The following PTPRT variants were observed in gnomAD, a reference collection of about 807,000 sequenced individuals.
The protein encoded by PTPRT is protein tyrosine phosphatase receptor type T.
PTPRT carries 56 observed loss-of-function variants against 176.8 expected under a neutral mutation model. That is an observed-to-expected ratio of 0.32 (90% confidence interval 0.26 to 0.40). The LOEUF is 0.40. Among genes scored for constraint, PTPRT ranks in the 10% least tolerant of loss-of-function variants. PTPRT has a pLI of 1.00. For missense variants in PTPRT, 1,540 were observed against 1,908.2 expected, an observed-to-expected ratio of 0.81 and a Z score of 3.60; for synonymous variants, 783 against 739.0, an observed-to-expected ratio of 1.06 and a Z score of -0.96.
At chr20:42,599,491 A>G (rs1280389693) in intron 7 of PTPRT, among the ~76,000 whole-genome samples, 2 of 152,074 alleles carry the variant, frequency 1.3e-5, no homozygotes, top group East Asian at 3.9e-4. Flanking sequence ...AAGCCCAGAG[A>G]GATGGGGTGC....
chr20:42,446,706 G>A (rs142379480), intron 9 of PTPRT, among the ~76,000 whole-genome samples: 1 of 150,522 alleles, frequency 6.6e-6, no homozygotes, highest in Non-Finnish European at 1.5e-5. Flanking sequence ...TTAAATTTTC[G>A]AACCTCTCTT....
At chr20:42,505,836 A>T (rs951423172) in intron 7 of PTPRT, among the ~76,000 whole-genome samples, 4 of 152,154 alleles carry the variant, frequency 2.6e-5, no homozygotes, top group Non-Finnish European at 5.9e-5. Flanking sequence ...AAGAGAAAAG[A>T]AGCAAGACTA....
intron 9 of PTPRT, among the ~76,000 whole-genome samples, chr20:42,445,509 G>A (rs535581473): frequency 2.0e-5 from 3 of 152,248 alleles, no homozygotes; most frequent in South Asian, 2.1e-4. Flanking sequence ...GGCCTCACTA[G>A]CTTTTGATAC....
intron 14 of PTPRT, among the ~76,000 whole-genome samples, chr20:42,237,857 A>C (rs1191442739): frequency 6.6e-6 from 1 of 152,254 alleles, no homozygotes; most frequent in Non-Finnish European, 1.5e-5. Context: ...CCAAATATCC[A>C]TCTGAGTAGA....
At chr20:42,179,721 C>T (rs1349909733) in intron 16 of PTPRT, among the ~76,000 whole-genome samples, 2 of 152,126 alleles carry the variant, frequency 1.3e-5, no homozygotes, top group Non-Finnish European at 2.9e-5. Context: ...GTGACTGTGC[C>T]AGCTAACATC....
rs184759281 is a variant in PTPRT at position 42,724,898 on chromosome 20, C to T, written c.859+31564G>A. 7.8e-3 allele frequency among the ~76,000 whole-genome samples: 1,186 copies of T among 151,544 alleles called. 4 individuals carry two copies. Among genetic ancestry groups the T allele is most frequent in the Non-Finnish European group, 0.012 (782 of 67,646 alleles). On this transcript the variant is annotated intron_variant, in intron 6 of 30. Transcript: ENST00000373187. ...GTGATTACAGTGGGCCCAGATAAAT[C>T]AGTATAATTTGCCCACCTCAAAATC... is the stretch of plus-strand genomic sequence containing the variant.
chr20:42,058,293 A>G, the PTPRT span, among the ~76,000 whole-genome samples: 1 of 152,214 alleles, frequency 6.6e-6, no homozygotes, highest in Non-Finnish European at 1.5e-5. Context: ...AGGTTCTCTT[A>G]GTTCAAGATG....
rs566876419 is a variant in PTPRT at position 42,321,998 on chromosome 20, G to A, written c.1866-6002C>T. Among the ~76,000 whole-genome samples the A allele has an allele frequency of 2.2e-4, 34 of 152,256 alleles. 2 individuals carry two copies. In the South Asian group the frequency reaches 5.2e-3, roughly 23 times the overall value. On this transcript the variant is annotated intron_variant, in intron 11 of 30. Transcript: ENST00000373187. ...GGAGGCAGGAGAATGCCGTGAACCCGGAAGGCAGAGCTGCAGTTAGCCGAG... is the reference window on the plus strand; with the variant it reads ...GGAGGCAGGAGAATGCCGTGAACCCAGAAGGCAGAGCTGCAGTTAGCCGAG...
intron 5 of PTPRT, among the ~76,000 whole-genome samples, chr20:42,763,384 C>T (rs973652171): frequency 1.3e-5 from 2 of 152,106 alleles, no homozygotes; most frequent in Non-Finnish European, 2.9e-5. Context: ...GATACTATGC[C>T]TGGTTTACAG....
intron 6 of PTPRT, among the ~76,000 whole-genome samples, chr20:42,688,770 C>A (rs1040463679): frequency 2.6e-5 from 4 of 152,190 alleles, no homozygotes; most frequent in African/African-American, 9.7e-5. Context: ...CTGTTCTCAG[C>A]ACCCTGGTCA....
At chr20:42,102,100 G>A (rs180911050) in intron 26 of PTPRT, 24 bp downstream of exon 26, 1 of 1,600,854 alleles carries the variant, frequency 6.2e-7, no homozygotes, top group African/African-American at 1.3e-5. Flanking sequence ...CCAGCTAGGA[G>A]CTTTCTGCCC....
intron 13 of PTPRT, among the ~76,000 whole-genome samples, chr20:42,251,262 C>A (rs182376896): frequency 6.6e-6 from 1 of 152,240 alleles, no homozygotes; most frequent in African/African-American, 2.4e-5. Flanking sequence ...AGTGCAATGG[C>A]AAAGAGCCCC....
intron 2 of PTPRT, among the ~76,000 whole-genome samples, chr20:42,845,793 G>C (rs747321466): frequency 6.6e-6 from 1 of 152,206 alleles, no homozygotes; most frequent in Non-Finnish European, 1.5e-5. Flanking sequence ...CAGGAAATCA[G>C]AGATAGCACA....
chr20:43,046,601 C>T (rs11906953), intron 1 of PTPRT, among the ~76,000 whole-genome samples: 3,659 of 151,710 alleles, frequency 0.024, 165 homozygotes, highest in African/African-American at 0.084. Context: ...GCTTGGACAG[C>T]GGGACTGAGG....
At chr20:42,942,725 C>T (rs988977630) in intron 1 of PTPRT, among the ~76,000 whole-genome samples, 3 of 152,114 alleles carry the variant, frequency 2.0e-5, no homozygotes, top group Admixed American at 6.5e-5. Flanking sequence ...CTTTAGCAAG[C>T]GGCCAACTCT....
rs1419571396 is a variant in PTPRT, at chr20:42,874,730, A to C, written c.214+11077T>G. On this transcript the variant is annotated intron_variant, in intron 2 of 30. Coordinates refer to ENST00000373187, the MANE Select transcript of PTPRT (RefSeq NM_007050.6). ...CCTCTTTAAAATAAGGGTGATAATA[A>C]CATCCAGCTCACAGTGTTGTTGAAG... Among the ~76,000 whole-genome samples, 2 of 152,214 alleles carry C rather than the reference A, an allele frequency of 1.3e-5. 1 individual carries two copies. The highest frequency in any genetic ancestry group is 2.9e-5 in the Non-Finnish European group (2 of 68,026).
intron 7 of PTPRT, among the ~76,000 whole-genome samples, chr20:42,581,274 T>C (rs910118806): frequency 6.6e-6 from 1 of 152,214 alleles, no homozygotes; most frequent in Non-Finnish European, 1.5e-5. Flanking sequence ...TATTAACCAC[T>C]TCTACTGCAA....
intron 1 of PTPRT, among the ~76,000 whole-genome samples, chr20:42,890,781 A>C (rs1256011547): frequency 6.6e-6 from 1 of 152,184 alleles, no homozygotes. Context: ...AGAGTCCCTG[A>C]TACAGTTTGG....
At chr20:42,532,992 G>A (rs2072412223) in intron 7 of PTPRT, among the ~76,000 whole-genome samples, 2 of 152,114 alleles carry the variant, frequency 1.3e-5, no homozygotes, top group Admixed American at 6.5e-5. Context: ...AGTTATGGGA[G>A]CCCCAGCAGC....
Sources: gnomAD v4.1 joint callset for allele counts (sites outside exome capture counted in the v4.1 genomes callset) on GRCh38, gnomAD v4.1.1 for gene constraint, MANE v1.5 for transcripts, NCBI Gene and HGNC (gene_info 2026-07-23, HGNC 2026-07-21) for gene names.